The following GRIFIN variants were observed in gnomAD, a reference collection of about 807,000 sequenced individuals.
GRIFIN encodes the protein putative grifin.
In GRIFIN, 22 loss-of-function variants were observed where a neutral mutation model predicts 18.2. The observed-to-expected ratio is 1.21, with a 90% CI of 0.86 to 1.73. GRIFIN has a LOEUF of 1.73. Among genes scored for constraint, GRIFIN ranks in the 40% most tolerant of loss-of-function variants. The pLI is 0.00. For missense variants in GRIFIN, 200 were observed against 190.1 expected (o/e 1.05, Z -0.31); for synonymous variants, 101 against 82.8 (o/e 1.22, Z -1.19).
At position 2,475,925 on chromosome 7, in the gene GRIFIN, C is replaced by G. The variant is rs777985920; in HGVS notation, c.87G>C (p.Glu29Asp). Reference sequence around the variant, plus strand: ...GGGAGGGCGGTGCCGCTGACCTGTCCTCTCCAGAGTCAGCATGTCCCTGGA... The same window carrying G: ...GGGAGGGCGGTGCCGCTGACCTGTCGTCTCCAGAGTCAGCATGTCCCTGGA... Reference protein sequence around the residue: ...LLVQGHADSGEDRFETNFLLE... With the variant: ...LLVQGHADSGDDRFETNFLLE... The change falls in exon 2 of 5, where the codon GAG (glutamate) becomes GAC (aspartate). Residue 29 changes from glutamate to aspartate, a missense_variant. By Grantham distance (45) the Glu-to-Asp change is conservative. Coordinates refer to ENST00000614228, the MANE Select transcript of GRIFIN (RefSeq NM_001394787.1). The G allele has an allele frequency of 1.3e-6, 2 of 1,598,286 alleles. No homozygotes were observed. Among genetic ancestry groups the G allele is most frequent in the African/African-American group, 1.3e-5 (1 of 75,008 alleles).
Position 2,475,321 on chromosome 7 carries a change from G to A in GRIFIN, c.253-14C>T. On this transcript the variant is annotated splice_polypyrimidine_tract_variant and intron_variant, in intron 3 of 4. Transcript: ENST00000614228. ...GCTGACCTCTATCTGGGCAGGCTGG[G>A]GCCAGTGACCTCAGTGCCAGCCCCC... is the stretch of plus-strand genomic sequence containing the variant. The A allele has an allele frequency of 6.3e-7, 1 of 1,584,792 alleles. No individual in the cohort carries two copies. The highest frequency in any genetic ancestry group is 8.5e-7 in the Non-Finnish European group (1 of 1,173,136).
chr7:2,475,391 G>A (rs1466780074), intron 3 of GRIFIN, 84 bp from the exon 4 acceptor site: 29 of 1,469,680 alleles, frequency 2.0e-5, no homozygotes, highest in East Asian at 9.9e-5. Flanking sequence ...TGTGCCTGCC[G>A]GCCGTCTCCA....
At position 2,475,133 on chromosome 7, in the gene GRIFIN, G is replaced by A. The variant is rs1306699495; in HGVS notation, c.419+8C>T. 6.4e-6 allele frequency: 10 copies of A among 1,573,918 alleles called. No homozygotes were observed. The highest frequency in any genetic ancestry group is 7.7e-6 in the Non-Finnish European group (9 of 1,167,974). On this transcript the variant is annotated splice_region_variant and intron_variant, in intron 4 of 4. Transcript: ENST00000614228. ...GGGCAGGGACCTGGGTAGAGGCAGGGACTTTACCCCCAGCTCAGGCCCCTC... is the reference window on the plus strand; with the variant it reads ...GGGCAGGGACCTGGGTAGAGGCAGGAACTTTACCCCCAGCTCAGGCCCCTC...
Position 2,475,653 on chromosome 7 carries a change from C to T in GRIFIN, c.252+16G>A, listed in dbSNP as rs1778947663. The T allele has an allele frequency of 5.4e-6, 8 of 1,476,964 alleles. No homozygotes were observed. Among genetic ancestry groups the T allele is most frequent in the Non-Finnish European group, 6.3e-6 (7 of 1,113,684 alleles). The allele number at this position is 1,476,964 out of a possible 1,614,324, so 91.5% of individuals were successfully genotyped here. A position where few individuals can be genotyped will look rare whatever the true frequency, so the allele number is the denominator to read the frequency against. On this transcript the variant is annotated intron_variant, in intron 3 of 4. Coordinates refer to ENST00000614228, the MANE Select transcript of GRIFIN (RefSeq NM_001394787.1). ...CCTTCCCTGCCTAGCCCAGGCCCCACCCAGGCCCCTGTCACCTCAAAGGGC... is the reference window on the plus strand; with the variant it reads ...CCTTCCCTGCCTAGCCCAGGCCCCATCCAGGCCCCTGTCACCTCAAAGGGC...
Position 2,476,010 on chromosome 7 carries a change from G to A in GRIFIN, c.13-11C>T, listed in dbSNP as rs750504157. 1.3e-6 allele frequency: 2 copies of A among 1,595,632 alleles called. No individual in the cohort carries two copies. Among genetic ancestry groups the A allele is most frequent in the Non-Finnish European group, 1.7e-6 (2 of 1,178,486 alleles). On this transcript the variant is annotated splice_polypyrimidine_tract_variant and intron_variant, in intron 1 of 4. Transcript: ENST00000614228. Reference sequence around the variant, plus strand: ...ACAGAAGGCTTTAGACTGAGTGGAAGAGACAGGGGGACCAGCCTCATGGGG... The same window carrying A: ...ACAGAAGGCTTTAGACTGAGTGGAAAAGACAGGGGGACCAGCCTCATGGGG...
At chr7:2,474,985 G>A (rs1778929806) in intron 4 of GRIFIN, 100 bp from the exon 5 acceptor site, 2 of 837,478 alleles carry the variant, frequency 2.4e-6, no homozygotes, top group Admixed American at 2.7e-5. Context: ...GGATATGCAG[G>A]GCTGGCAGGG....
rs770585426 is a variant in GRIFIN at position 2,475,977 on chromosome 7, C to G, written c.35G>C (p.Gly12Ala). 6.2e-5 allele frequency: 99 copies of G among 1,598,000 alleles called. No individual in the cohort carries two copies. The highest frequency in any genetic ancestry group is 8.2e-5 in the Non-Finnish European group (97 of 1,179,662). Residue 12 changes from glycine (G) to alanine (A), a missense_variant, in exon 2 of 5, where the codon GGC becomes GCC. Coordinates refer to ENST00000614228, the MANE Select transcript of GRIFIN (RefSeq NM_001394787.1). Reference sequence around the variant, plus strand: ...CAGCAGCTTCCAGCCGGGGGCCAGGCCGCCCGCACAGAAGGCTTTAGACTG... The same window carrying G: ...CAGCAGCTTCCAGCCGGGGGCCAGGGCGCCCGCACAGAAGGCTTTAGACTG... The part of the protein sequence containing the change: ...AVQSKAFCAG[G>A]LAPGWKLLVQ...
intron 3 of GRIFIN, 109 bp downstream of exon 3, chr7:2,475,560 C>T: frequency 7.2e-7 from 1 of 1,386,846 alleles, no homozygotes; most frequent in South Asian, 1.5e-5. Flanking sequence ...CAGACCTTGC[C>T]CTGGCCCACT....
rs1396936083 is a variant in GRIFIN at position 2,474,979 on chromosome 7, A to G, written c.420-94T>C. ...CATGGCCCTGCTCCCGTGGCCGGAT[A>G]TGCAGGGCTGGCAGGGAGAGGAGCA... On this transcript the variant is annotated intron_variant, in intron 4 of 4. Coordinates refer to ENST00000614228, the MANE Select transcript of GRIFIN (RefSeq NM_001394787.1). 8.8e-6 allele frequency: 7 copies of G among 792,358 alleles called. No individual in the cohort carries two copies. The East Asian group carries it at 1.9e-4, about 21-fold the overall frequency. 49.1% of individuals were successfully genotyped at this position (792,358 alleles called of 1,614,324 possible).
chr7:2,476,339 GTTCTCC>G (rs1562535793), intron 1 of GRIFIN, 27 bp downstream of exon 1: 2 of 1,563,098 alleles, frequency 1.3e-6, no homozygotes, highest in Non-Finnish European at 1.7e-6. Flanking sequence ...GCCCTGCACC[GTTCTCC>G]TTCTCCAGGT....
intron 3 of GRIFIN, 46 bp downstream of exon 3, chr7:2,475,623 A>G (rs1416154021): frequency 2.2e-5 from 31 of 1,434,804 alleles, no homozygotes; most frequent in Non-Finnish European, 2.8e-5. Flanking sequence ...CTGTTCCCCC[A>G]CGGGCCTTCC....
intron 3 of GRIFIN, 132 bp from the exon 4 acceptor site, chr7:2,475,439 T>C (rs1233783655): frequency 3.9e-6 from 5 of 1,298,144 alleles, no homozygotes; most frequent in Non-Finnish European, 5.1e-6. Context: ...GTCCCTTGGC[T>C]TGGAGCCCCC....
rs1778948248 is a variant in GRIFIN, at chr7:2,475,675, G to C, written c.246C>G (p.Pro82=). The C allele has an allele frequency of 6.6e-7, 1 of 1,505,550 alleles. No homozygotes were observed. The highest frequency in any genetic ancestry group is 2.5e-5 in the East Asian group (1 of 40,660). 93.3% of individuals were successfully genotyped at this position (1,505,550 alleles called of 1,614,324 possible). A position where few individuals can be genotyped will look rare whatever the true frequency, so the allele number is the denominator to read the frequency against. Residue 82 remains proline, a synonymous_variant, in exon 3 of 5, where the codon CCC becomes CCG. Coordinates refer to ENST00000614228, the MANE Select transcript of GRIFIN (RefSeq NM_001394787.1). The part of the protein sequence containing the change: ...SSIFPLAPGE[P]FEIEVSWDAE... ...CCACCCAGGCCCCTGTCACCTCAAA[G>C]GGCTCCCCCGGGGCCAGCGGGAAGA...
rs758108835 is a variant in GRIFIN at position 2,475,685 on chromosome 7, G to A, written c.236C>T (p.Pro79Leu). The change falls in exon 3 of 5, where the codon CCG becomes CTG. Residue 79 changes from proline (P) to leucine (L), a missense_variant. By Grantham distance (98) the Pro-to-Leu change is moderately conservative. Transcript: ENST00000614228. ...EQVSSIFPLA[P>L]GEPFEIEVSW... Reference sequence around the variant, plus strand: ...CCCTGTCACCTCAAAGGGCTCCCCCGGGGCCAGCGGGAAGATGCTAGACAC... The same window carrying A: ...CCCTGTCACCTCAAAGGGCTCCCCCAGGGCCAGCGGGAAGATGCTAGACAC... 52 of 1,520,478 alleles carry A rather than the reference G, an allele frequency of 3.4e-5. No homozygotes were observed. Among genetic ancestry groups the A allele is most frequent in the Middle Eastern group, 1.7e-4 (1 of 5,920 alleles). 94.2% of individuals were successfully genotyped at this position (1,520,478 alleles called of 1,614,324 possible).
In GRIFIN at chr7:2,475,201, C is replaced by T. The variant is rs760952502; in HGVS notation, c.359G>A (p.Arg120His). The T allele has an allele frequency of 2.3e-5, 37 of 1,595,178 alleles. No homozygotes were observed. Among genetic ancestry groups the T allele is most frequent in the Non-Finnish European group, 2.6e-5 (31 of 1,178,324 alleles). ...GGCCAGGCAGTGGTCACTCAGCACG[C>T]GCACCCTGGTGGTGGCGCCCAGCGG... ...QRPLGATTRV[R>H]VLSDHCLAQV... The change falls in exon 4 of 5, where the codon CGC becomes CAC. Residue 120 changes from arginine to histidine, a missense_variant. Arg to His is a conservative substitution (Grantham distance 29). Transcript: ENST00000614228.
chr7:2,475,444 GC>G, intron 3 of GRIFIN, 137 bp from the exon 4 acceptor site: 5 of 1,272,368 alleles, frequency 3.9e-6, no homozygotes, highest in Non-Finnish European at 4.2e-6. Context: ...TTGGCTTGGA[GC>G]CCCCAGCCCA....
Position 2,475,220 on chromosome 7 carries a change from C to T in GRIFIN, c.340G>A (p.Gly114Ser), listed in dbSNP as rs767361129. Residue 114 changes from glycine to serine, a missense_variant, in exon 4 of 5, where the codon GGC becomes AGC. Coordinates refer to ENST00000614228, the MANE Select transcript of GRIFIN (RefSeq NM_001394787.1). The stretch of plus-strand genomic sequence containing the variant: ...AGCACGCGCACCCTGGTGGTGGCGC[C>T]CAGCGGCCTCTGACGGCATGGGAAC... Reference protein sequence around the residue: ...LQFPCRQRPLGATTRVRVLSD... With the variant: ...LQFPCRQRPLSATTRVRVLSD... 3.8e-6 allele frequency: 6 copies of T among 1,596,762 alleles called. No homozygotes were observed. Among genetic ancestry groups the T allele is most frequent in the Non-Finnish European group, 5.1e-6 (6 of 1,178,938 alleles).
Position 2,476,012 on chromosome 7 carries a change from G to T in GRIFIN, c.13-13C>A, listed in dbSNP as rs1778958496. 6.3e-7 allele frequency: 1 copy of T among 1,595,146 alleles called. No individual in the cohort carries two copies. Among genetic ancestry groups the T allele is most frequent in the East Asian group, 2.2e-5 (1 of 44,818 alleles). On this transcript the variant is annotated splice_polypyrimidine_tract_variant and intron_variant, in intron 1 of 4. Transcript: ENST00000614228. Reference sequence around the variant, plus strand: ...AGAAGGCTTTAGACTGAGTGGAAGAGACAGGGGGACCAGCCTCATGGGGCT... The same window carrying T: ...AGAAGGCTTTAGACTGAGTGGAAGATACAGGGGGACCAGCCTCATGGGGCT...
intron 1 of GRIFIN, 147 bp from the exon 2 acceptor site, chr7:2,476,146 G>C (rs978985660): frequency 1.2e-6 from 1 of 837,858 alleles, no homozygotes; most frequent in African/African-American, 1.7e-5. Context: ...CTAAGGCTCT[G>C]TTCATCTGGT....
Sources: allele counts gnomAD v4.1 joint callset, GRCh38; gene constraint gnomAD v4.1.1; transcripts MANE v1.5; gene names NCBI Gene and HGNC (gene_info 2026-07-23, HGNC 2026-07-21).